Variants in DNPH1 observed in about 807,000 individuals in gnomAD.
The protein encoded by DNPH1 is 2'-deoxynucleoside 5'-phosphate N-hydrolase 1.
Under a neutral mutation model 15.7 loss-of-function variants are expected in DNPH1, and 18 were observed. The observed-to-expected ratio is 1.15, with a 90% CI of 0.79 to 1.70. DNPH1 has a LOEUF of 1.70. Ranked by LOEUF, DNPH1 falls within the 40% of genes most tolerant of loss-of-function variation. The probability of loss-of-function intolerance (pLI) is 0.00; values close to 1 mark genes in which losing one functional copy is unlikely to be tolerated. For missense variants in DNPH1, 262 were observed against 255.2 expected, an observed-to-expected ratio of 1.03 and a Z score of -0.18; for synonymous variants, 114 against 107.9, an observed-to-expected ratio of 1.06 and a Z score of -0.35.
chr6:43,229,439 C>T lies in DNPH1; in HGVS notation c.18G>A (p.Val6=). The change falls in exon 1 of 4, where the codon GTG becomes GTA. Residue 6 remains valine, a synonymous_variant. Coordinates refer to ENST00000230431, the MANE Select transcript of DNPH1 (RefSeq NM_006443.3). MAAAM[V]PGRSESWERG... ...GCTCCCAGCTCTCGCTGCGCCCCGGCACCATGGCAGCAGCCATTCCCCAGC... is the reference window on the plus strand; with the variant it reads ...GCTCCCAGCTCTCGCTGCGCCCCGGTACCATGGCAGCAGCCATTCCCCAGC... 8 of 1,363,174 alleles carry T rather than the reference C, an allele frequency of 5.9e-6. No homozygotes were observed. Among genetic ancestry groups the T allele is most frequent in the Non-Finnish European group, 7.6e-6 (8 of 1,055,630 alleles). The allele number at this position is 1,363,174 out of a possible 1,614,324, so 84.4% of individuals were successfully genotyped here.
At position 43,225,842 on chromosome 6, in the gene DNPH1, C is replaced by T. The variant is rs749012747; in HGVS notation, c.416G>A (p.Arg139Gln). The part of the protein sequence containing the change: ...AMIRGAADGS[R>Q]FQVWDYEEGE... ...CTCCTCATAGTCCCACACCTGGAAC[C>T]GAGAGCCATCTGCTGCTCCCCGGAT... Residue 139 changes from arginine to glutamine, a missense_variant, in exon 4 of 4, where the codon CGG becomes CAG. Arg to Gln is a conservative substitution (Grantham distance 43). Transcript: ENST00000230431. 4.3e-5 allele frequency: 69 copies of T among 1,614,036 alleles called. No homozygotes were observed. Among genetic ancestry groups the T allele is most frequent in the African/African-American group, 1.6e-4 (12 of 74,906 alleles).
rs373486021 is a variant in DNPH1 at position 43,228,760 on chromosome 6, A to C, written c.196+501T>G. On this transcript the variant is annotated intron_variant, in intron 1 of 3. Transcript: ENST00000230431. ...AGAATCACTTGAACCCGGGAGGTCG[A>C]GGTTGCAGTGAGCCGAGATCACGCA... 1.3e-4 allele frequency among the ~76,000 whole-genome samples: 19 copies of C among 151,982 alleles called. No homozygotes were observed. The East Asian group carries it at 1.9e-3, about 16-fold the overall frequency.
chr6:43,227,322 G>A (rs1562071924), intron 1 of DNPH1, among the ~76,000 whole-genome samples: 1 of 151,988 alleles, frequency 6.6e-6, no homozygotes. Flanking sequence ...GGCTGAGGCA[G>A]GAAAATTGCT....
At chr6:43,227,619 T>C (rs916394062) in intron 1 of DNPH1, among the ~76,000 whole-genome samples, 1 of 152,050 alleles carries the variant, frequency 6.6e-6, no homozygotes, top group Non-Finnish European at 1.5e-5. Flanking sequence ...ATTGTGATTT[T>C]TGTCTTTTTA....
intron 1 of DNPH1, 59 bp downstream of exon 1, chr6:43,229,202 C>A: frequency 7.8e-7 from 1 of 1,287,828 alleles, no homozygotes; most frequent in South Asian, 2.1e-5. Context: ...GGCCGGGTCC[C>A]TGCCACCCCA....
chr6:43,229,222 G>GCGCCCGCGTCCC, intron 1 of DNPH1, 39 bp downstream of exon 1: 1 of 1,297,700 alleles, frequency 7.7e-7, no homozygotes, highest in Non-Finnish European at 9.7e-7. Flanking sequence ...AGCCAGGTCC[G>GCGCCCGCGTCCC]CGCCCGCGTC....
At chr6:43,228,575 C>T (rs1313059536) in intron 1 of DNPH1, among the ~76,000 whole-genome samples, 16 of 151,964 alleles carry the variant, frequency 1.1e-4, no homozygotes, top group Admixed American at 1.0e-3. Context: ...TCTGTAATCC[C>T]AGCACTTTGG....
Position 43,226,509 on chromosome 6 carries a change from A to C in DNPH1, c.197-114T>G. On this transcript the variant is annotated intron_variant, in intron 1 of 3. Coordinates refer to ENST00000230431, the MANE Select transcript of DNPH1 (RefSeq NM_006443.3). This position sits in a 1 kb window ranked among gnomAD's most constrained non-coding sequence, Gnocchi z 4.1. ...AGGGAGGGTGGGAGCCTTGTGCCAG[A>C]TGACCTGACCAAACATGACAATCTC... 1.1e-6 allele frequency: 1 copy of C among 873,256 alleles called. No homozygotes were observed. The highest frequency in any genetic ancestry group is 1.7e-6 in the Non-Finnish European group (1 of 582,500). 54.1% of individuals were successfully genotyped at this position (873,256 alleles called of 1,614,324 possible). A position where few individuals can be genotyped will look rare whatever the true frequency, so the allele number is the denominator to read the frequency against.
chr6:43,229,421 G>A lies in DNPH1; in HGVS notation c.36C>T (p.Ser12=). Residue 12 remains serine, a synonymous_variant, in exon 1 of 4, where the codon AGC becomes AGT. Transcript: ENST00000230431. ...AAAMVPGRSE[S]WERGEPGRPA... is the part of the protein sequence containing the mutation. ...GGCGGCCAGGCTCCCCGCGCTCCCA[G>A]CTCTCGCTGCGCCCCGGCACCATGG... 2 of 1,409,682 alleles carry A rather than the reference G, an allele frequency of 1.4e-6. No homozygotes were observed. The highest frequency in any genetic ancestry group is 2.7e-5 in the Admixed American group (1 of 36,988). The allele number at this position is 1,409,682 out of a possible 1,614,324, so 87.3% of individuals were successfully genotyped here.
Position 43,226,532 on chromosome 6 carries a change from C to A in DNPH1, c.197-137G>T. ...AGATGACCTGACCAAACATGACAAT[C>A]TCATCAAAGCAGCGAGGAAATGGAA... On this transcript the variant is annotated intron_variant, in intron 1 of 3. Transcript: ENST00000230431. This position sits in a 1 kb window ranked among gnomAD's most constrained non-coding sequence, Gnocchi z 4.1. 1 of 704,344 alleles carries A rather than the reference C, an allele frequency of 1.4e-6. No homozygotes were observed. The allele number at this position is 704,344 out of a possible 1,614,324, so 43.6% of individuals were successfully genotyped here. A position where few individuals can be genotyped will look rare whatever the true frequency, so the allele number is the denominator to read the frequency against.
chr6:43,227,038 C>T (rs139414341), intron 1 of DNPH1, among the ~76,000 whole-genome samples: 2 of 151,940 alleles, frequency 1.3e-5, no homozygotes, highest in Admixed American at 6.6e-5. Flanking sequence ...ACCCAGGAGG[C>T]GGAAGTTGCA....
chr6:43,228,881 T>C (rs939645015), intron 1 of DNPH1, among the ~76,000 whole-genome samples: 6 of 152,130 alleles, frequency 3.9e-5, no homozygotes, highest in African/African-American at 1.2e-4. Context: ...AGGATACCTT[T>C]CGTGTTGGGT....
Position 43,226,755 on chromosome 6 carries a change from G to C in DNPH1, c.197-360C>G. 1 of 250,088 alleles carries C rather than the reference G, an allele frequency of 4.0e-6. No homozygotes were observed. The highest frequency in any genetic ancestry group is 5.1e-5 in the Admixed American group (1 of 19,768). The allele number at this position is 250,088 out of a possible 1,614,324, so 15.5% of individuals were successfully genotyped here. On this transcript the variant is annotated intron_variant, in intron 1 of 3. Transcript: ENST00000230431. This position sits in a 1 kb window ranked among gnomAD's most constrained non-coding sequence, Gnocchi z 4.1. ...TAGCTTGATTAAATGTTATCTTCCA[G>C]GACAGTGAGGCTCAGCCCACCGCAT...
Position 43,229,280 on chromosome 6 carries a change from G to C in DNPH1, c.177C>G (p.Ala59=). ...FGTVLTEHVA[A]AELGARGEEA... ...CCTCACCGCGCGCGCCCAGCTCGGC[G>C]GCCGCCACGTGCTCGGTGAGCACTG... The change falls in exon 1 of 4, where the codon GCC becomes GCG. Residue 59 remains alanine (A), a synonymous_variant. Coordinates refer to ENST00000230431, the MANE Select transcript of DNPH1 (RefSeq NM_006443.3). 7.0e-7 allele frequency: 1 copy of C among 1,434,808 alleles called. No homozygotes were observed. The highest frequency in any genetic ancestry group is 9.2e-7 in the Non-Finnish European group (1 of 1,092,318). The allele number at this position is 1,434,808 out of a possible 1,614,324, so 88.9% of individuals were successfully genotyped here. A position where few individuals can be genotyped will look rare whatever the true frequency, so the allele number is the denominator to read the frequency against.
In DNPH1 at chr6:43,226,269, C is replaced by T; in HGVS notation, c.265+58G>A. 1 of 1,603,158 alleles carries T rather than the reference C, an allele frequency of 6.2e-7. No homozygotes were observed. The highest frequency in any genetic ancestry group is 2.2e-5 in the East Asian group (1 of 44,792). Reference sequence around the variant, plus strand: ...CTTCTAGGTGTGGAGGCTGGGATGTCCAGGGGAACCCAGCACTCCAGAGGA... The same window carrying T: ...CTTCTAGGTGTGGAGGCTGGGATGTTCAGGGGAACCCAGCACTCCAGAGGA... On this transcript the variant is annotated intron_variant, in intron 2 of 3. Transcript: ENST00000230431. This position sits in a 1 kb window ranked among gnomAD's most constrained non-coding sequence, Gnocchi z 4.1.
intron 1 of DNPH1, among the ~76,000 whole-genome samples, chr6:43,227,334 G>C (rs1238988734): frequency 6.6e-6 from 1 of 151,882 alleles, no homozygotes; most frequent in South Asian, 2.1e-4. Flanking sequence ...AAAATTGCTT[G>C]AACCTGGGAG....
At position 43,229,385 on chromosome 6, in the gene DNPH1, G is replaced by T; in HGVS notation, c.72C>A (p.Tyr24Ter). ...GTCCGCCGCGAATGCTCCCGCAGAA[G>T]TACAGGGCCGGGCGGCCAGGCTCCC... is the stretch of plus-strand genomic sequence containing the variant. ...ERGEPGRPAL[Y>*]FCGSIRGGRE... is the part of the protein sequence containing the mutation. Residue 24 changes from tyrosine (Y) to a stop codon, truncating the protein, a stop_gained, in exon 1 of 4, where the codon TAC becomes TAA. Transcript: ENST00000230431. LOFTEE classifies it high-confidence loss of function. The T allele has an allele frequency of 6.8e-7, 1 of 1,474,940 alleles. No homozygotes were observed. The allele number at this position is 1,474,940 out of a possible 1,614,324, so 91.4% of individuals were successfully genotyped here.
chr6:43,226,252 T>C lies in DNPH1; in HGVS notation c.265+75A>G. ...GGGAACTCTGGGAGTCCCTTCTAGG[T>C]GTGGAGGCTGGGATGTCCAGGGGAA... On this transcript the variant is annotated intron_variant, in intron 2 of 3. Transcript: ENST00000230431. This position sits in a 1 kb window ranked among gnomAD's most constrained non-coding sequence, Gnocchi z 4.1. 2 of 1,600,434 alleles carry C rather than the reference T, an allele frequency of 1.2e-6. No individual in the cohort carries two copies. The highest frequency in any genetic ancestry group is 1.1e-5 in the South Asian group (1 of 90,032).
Position 43,229,360 on chromosome 6 carries a change from G to A in DNPH1, c.97C>T (p.Arg33Cys). 6.7e-7 allele frequency: 1 copy of A among 1,486,508 alleles called. No individual in the cohort carries two copies. Among genetic ancestry groups the A allele is most frequent in the Non-Finnish European group, 8.9e-7 (1 of 1,119,852 alleles). 92.1% of individuals were successfully genotyped at this position (1,486,508 alleles called of 1,614,324 possible). A position where few individuals can be genotyped will look rare whatever the true frequency, so the allele number is the denominator to read the frequency against. The change falls in exon 1 of 4, where the codon CGC becomes TGC. Residue 33 changes from arginine (R) to cysteine (C), a missense_variant. Physicochemically the swap from Arg to Cys is radical, Grantham distance 180. Transcript: ENST00000230431. ...LYFCGSIRGGREDRTLYERIV... is the reference protein window; with the variant it reads ...LYFCGSIRGGCEDRTLYERIV... Reference sequence around the variant, plus strand: ...CGCTCGTACAGCGTCCTGTCCTCGCGTCCGCCGCGAATGCTCCCGCAGAAG... The same window carrying A: ...CGCTCGTACAGCGTCCTGTCCTCGCATCCGCCGCGAATGCTCCCGCAGAAG...
Sources: allele counts gnomAD v4.1 joint callset (sites outside exome capture counted in the v4.1 genomes callset), GRCh38; gene constraint gnomAD v4.1.1; non-coding constraint Gnocchi (gnomAD v3.1); transcripts MANE v1.5; gene names NCBI Gene and HGNC (gene_info 2026-07-23, HGNC 2026-07-21).